Variants in DOCK10 observed in about 807,000 individuals in gnomAD.
DOCK10 encodes dedicator of cytokinesis 10.
Under a neutral mutation model 280.1 loss-of-function variants are expected in DOCK10, and 145 were observed. The observed-to-expected ratio is 0.52, with a 90% confidence interval of 0.45 to 0.59. The LOEUF is 0.59. Among genes scored for constraint, DOCK10 ranks in the 20% least tolerant of loss-of-function variants. The probability of loss-of-function intolerance (pLI) is 0.00; values close to 1 mark genes in which losing one functional copy is unlikely to be tolerated. For missense variants in DOCK10, 2,368 were observed against 2,651.7 expected (o/e 0.89, Z 2.35); for synonymous variants, 915 against 942.2 (o/e 0.97, Z 0.53).
At chr2:224,912,475 C>T (rs1701077971) in intron 3 of DOCK10, among the ~76,000 whole-genome samples, 1 of 151,882 alleles carries the variant, frequency 6.6e-6, no homozygotes, top group Non-Finnish European at 1.5e-5. Context: ...CTAATTTTTT[C>T]CAAAATAGCT....
intron 1 of DOCK10, among the ~76,000 whole-genome samples, chr2:224,976,508 G>A (rs1705449128): frequency 1.3e-5 from 2 of 152,088 alleles, no homozygotes; most frequent in African/African-American, 4.8e-5. Flanking sequence ...TAGGTTATCT[G>A]GGCTTTTATT....
At chr2:224,913,699 T>C (rs982296504) in intron 3 of DOCK10, among the ~76,000 whole-genome samples, 2 of 149,914 alleles carry the variant, frequency 1.3e-5, no homozygotes, top group African/African-American at 4.9e-5. Flanking sequence ...ACCTTTGTTT[T>C]TATTTTGTTT....
At chr2:224,804,903 A>G (rs1303436112) in intron 37 of DOCK10, 62 bp from the exon 38 acceptor site, 2 of 1,304,932 alleles carry the variant, frequency 1.5e-6, no homozygotes, top group Non-Finnish European at 2.1e-6. Context: ...CAAACTGTTC[A>G]TCTAAGTATA....
At chr2:224,938,010 A>G (rs1486134657) in intron 1 of DOCK10, among the ~76,000 whole-genome samples, 1 of 152,198 alleles carries the variant, frequency 6.6e-6, no homozygotes, top group Non-Finnish European at 1.5e-5. Context: ...TGAGGACCGC[A>G]TATCTGGTAT....
intron 48 of DOCK10, 98 bp from the exon 49 acceptor site, chr2:224,787,495 C>T (rs551464128): frequency 7.4e-6 from 11 of 1,476,816 alleles, no homozygotes; most frequent in Non-Finnish European, 1.0e-5. Flanking sequence ...AAACTTTTCC[C>T]TCTGTTACTG....
chr2:224,913,802 A>C (rs1701164436), intron 3 of DOCK10, among the ~76,000 whole-genome samples: 1 of 152,096 alleles, frequency 6.6e-6, no homozygotes, highest in African/African-American at 2.4e-5. Context: ...ATCTCAGATC[A>C]CTGCAAGCTC....
intron 3 of DOCK10, among the ~76,000 whole-genome samples, chr2:224,901,014 T>G (rs1442540906): frequency 6.6e-6 from 1 of 152,192 alleles, no homozygotes; most frequent in African/African-American, 2.4e-5. Context: ...TAAGAATGCT[T>G]CTAAATCTGT....
intron 13 of DOCK10, 69 bp from the exon 14 acceptor site, chr2:224,862,815 T>A: frequency 1.1e-6 from 1 of 926,960 alleles, no homozygotes; most frequent in Non-Finnish European, 1.6e-6. Flanking sequence ...AAAATAATAC[T>A]AAATACTTTT....
chr2:224,868,446 C>T (rs897522673), intron 11 of DOCK10, among the ~76,000 whole-genome samples: 5 of 152,122 alleles, frequency 3.3e-5, no homozygotes, highest in Admixed American at 1.3e-4. Context: ...TTTTAAAATG[C>T]TACTTAAGTT....
chr2:225,017,615 C>A (rs1038107649), intron 1 of DOCK10, among the ~76,000 whole-genome samples: 2 of 148,604 alleles, frequency 1.3e-5, no homozygotes, highest in Admixed American at 6.9e-5. Context: ...AACTGAATCC[C>A]TTAGTAATTT....
At chr2:224,798,813 T>G (rs1692768755) in intron 41 of DOCK10, among the ~76,000 whole-genome samples, 1 of 152,000 alleles carries the variant, frequency 6.6e-6, no homozygotes, top group Non-Finnish European at 1.5e-5. Flanking sequence ...TTAAATTTTT[T>G]TGTAAAGATG....
rs929564169 is a variant in DOCK10, at chr2:224,908,458, T to C, written c.333+8237A>G. Among the ~76,000 whole-genome samples the C allele has an allele frequency of 1.3e-5, 2 of 151,664 alleles. 1 individual carries two copies. Among genetic ancestry groups the C allele is most frequent in the Admixed American group, 1.3e-4 (2 of 15,214 alleles). On this transcript the variant is annotated intron_variant, in intron 3 of 55. Transcript: ENST00000258390. ...GTGTGTGTGTGTGTGTGTGTACATGTGTAGATGTGGCTGTAGAGATAAGTA... is the reference window on the plus strand; with the variant it reads ...GTGTGTGTGTGTGTGTGTGTACATGCGTAGATGTGGCTGTAGAGATAAGTA...
chr2:224,800,690 G>A lies in DOCK10; in HGVS notation c.4394-427C>T, dbSNP rs11675810. Among the ~76,000 whole-genome samples, 1,304 of 152,260 alleles carry A rather than the reference G, an allele frequency of 8.6e-3. 12 individuals carry two copies. The highest frequency in any genetic ancestry group is 0.013 in the Non-Finnish European group (893 of 68,012). ...TCAAACAAGTAACTGTGGGCCATGTGCCCATAATTGCTAACAATCTGTCAA... is the reference window on the plus strand; with the variant it reads ...TCAAACAAGTAACTGTGGGCCATGTACCCATAATTGCTAACAATCTGTCAA... On this transcript the variant is annotated intron_variant, in intron 40 of 55. Transcript: ENST00000258390.
chr2:224,792,472 C>T (rs1559413148), intron 47 of DOCK10, among the ~76,000 whole-genome samples: 1 of 152,046 alleles, frequency 6.6e-6, no homozygotes, highest in Non-Finnish European at 1.5e-5. Flanking sequence ...TTAGTAGAGA[C>T]CAGGCTTCAC....
At chr2:224,969,968 T>G (rs1195403076) in intron 1 of DOCK10, among the ~76,000 whole-genome samples, 2 of 152,234 alleles carry the variant, frequency 1.3e-5, no homozygotes, top group African/African-American at 2.4e-5. Flanking sequence ...TCCCTTTCTC[T>G]GCCTTTTGGC....
chr2:224,957,583 C>T (rs564185349), intron 1 of DOCK10, among the ~76,000 whole-genome samples: 102 of 152,246 alleles, frequency 6.7e-4, no homozygotes, highest in African/African-American at 2.4e-3. Context: ...CCACCAAATC[C>T]AGTATTTCCT....
intron 2 of DOCK10, among the ~76,000 whole-genome samples, chr2:224,919,892 G>A (rs897343244): frequency 1.3e-5 from 2 of 152,092 alleles, no homozygotes; most frequent in African/African-American, 4.8e-5. Flanking sequence ...AGCTCCCTGG[G>A]CCACTGCACT....
chr2:224,897,332 A>T (rs1021637740), intron 3 of DOCK10, among the ~76,000 whole-genome samples: 1 of 152,204 alleles, frequency 6.6e-6, no homozygotes, highest in Non-Finnish European at 1.5e-5. Context: ...TGATACAGGC[A>T]TGTAATGTGT....
intron 50 of DOCK10, among the ~76,000 whole-genome samples, chr2:224,781,535 CTCTG>C (rs893594648): frequency 1.8e-4 from 27 of 152,160 alleles, no homozygotes; most frequent in African/African-American, 5.8e-4. Context: ...TCAATTTCAG[CTCTG>C]TCTATGATAT....
Sources: allele counts gnomAD v4.1 joint callset (sites outside exome capture counted in the v4.1 genomes callset), GRCh38; gene constraint gnomAD v4.1.1; transcripts MANE v1.5; gene names NCBI Gene and HGNC (gene_info 2026-07-23, HGNC 2026-07-21).